The following MEFV variants were observed in gnomAD, a reference collection of about 807,000 sequenced individuals.
MEFV encodes the protein pyrin.
Under a neutral mutation model 62.5 loss-of-function variants are expected in MEFV, and 60 were observed. The ratio of observed to expected loss-of-function variants is 0.96; its 90% CI spans 0.78 to 1.19. The LOEUF is 1.19. Among genes scored for constraint, MEFV ranks in the 50% most tolerant of loss-of-function variants. MEFV has a pLI of 0.00. For synonymous variants in MEFV, 500 were observed against 415.2 expected (o/e 1.20, Z -2.48); for missense variants, 1,169 against 1,004.5 (o/e 1.16, Z -2.21).
intron 2 of MEFV, 89 bp from the exon 3 acceptor site, chr16:3,249,869 G>C (rs1959008135): frequency 1.9e-6 from 2 of 1,075,768 alleles, no homozygotes; most frequent in Non-Finnish European, 2.8e-6. Flanking sequence ...CACAGCCCTT[G>C]CCTGAGATGT....
In MEFV at chr16:3,248,923, C is replaced by T. The variant is rs1346568332; in HGVS notation, c.1342G>A (p.Ala448Thr). The change falls in exon 4 of 10, where the codon GCA (alanine) becomes ACA (threonine). Residue 448 changes from alanine (A) to threonine (T), a missense_variant. Physicochemically the swap from Ala to Thr is moderately conservative, Grantham distance 58. Transcript: ENST00000219596. ...EEQRSYGEEK[A>T]VSFLKQTEAL... ...TCTGACCTTACCAGAAAGCTCACTG[C>T]CTTCTCCTCCCCATAGGATCGCTGC... is the stretch of plus-strand genomic sequence containing the variant. 6.2e-7 allele frequency: 1 copy of T among 1,614,210 alleles called. No individual in the cohort carries two copies.
chr16:3,246,352 C>A, intron 6 of MEFV, 173 bp downstream of exon 6: 1 of 710,630 alleles, frequency 1.4e-6, no homozygotes, highest in South Asian at 1.7e-5. Context: ...TGACCAGATG[C>A]CCTTCTCCCT....
chr16:3,245,003 T>C (rs972626413), intron 6 of MEFV, among the ~76,000 whole-genome samples: 7 of 151,870 alleles, frequency 4.6e-5, no homozygotes, highest in African/African-American at 1.5e-4. Flanking sequence ...CAGAAAAAAA[T>C]AGACCAGGTA....
intron 4 of MEFV, 197 bp from the exon 5 acceptor site, chr16:3,247,443 C>G: frequency 1.7e-6 from 1 of 600,258 alleles, no homozygotes. Context: ...GGGGCTAGCT[C>G]TGGGAAAATG....
chr16:3,256,250 CCT>C, intron 1 of MEFV, 59 bp downstream of exon 1: 1 of 1,582,918 alleles, frequency 6.3e-7, no homozygotes, highest in Non-Finnish European at 8.6e-7. Context: ...CTCCTGGTCC[CCT>C]TTCCCACAAA....
chr16:3,244,613 G>C (rs759388238), intron 6 of MEFV, 25 bp from the exon 7 acceptor site: 1 of 1,579,428 alleles, frequency 6.3e-7, no homozygotes. Flanking sequence ...CTGTTGACCA[G>C]AGAAGGCCGG....
chr16:3,250,472 G>C (rs1959015161), intron 2 of MEFV, among the ~76,000 whole-genome samples: 1 of 151,930 alleles, frequency 6.6e-6, no homozygotes, highest in African/African-American at 2.4e-5. Flanking sequence ...AGCCAGGTGT[G>C]GTGGTGCACA....
In MEFV at chr16:3,254,138, T is replaced by C. The variant is rs1389451136; in HGVS notation, c.910+20A>G. 4 of 1,613,008 alleles carry C rather than the reference T, an allele frequency of 2.5e-6. No homozygotes were observed. Among genetic ancestry groups the C allele is most frequent in the East Asian group, 4.5e-5 (2 of 44,884 alleles). ...TTCTTTCTCTGCAGCCGATATAAAGTAGGAAAGAACACAATTTACCGGTGA... is the reference window on the plus strand; with the variant it reads ...TTCTTTCTCTGCAGCCGATATAAAGCAGGAAAGAACACAATTTACCGGTGA... On this transcript the variant is annotated intron_variant, in intron 2 of 9. Coordinates refer to ENST00000219596, the MANE Select transcript of MEFV (RefSeq NM_000243.3).
chr16:3,249,408 G>A (rs1373578947), intron 3 of MEFV, 23 bp downstream of exon 3: 2 of 1,600,298 alleles, frequency 1.2e-6, no homozygotes, highest in Non-Finnish European at 1.7e-6. Flanking sequence ...GCAGAGAAGA[G>A]CCCACAGGCA....
In MEFV at chr16:3,256,506, G is replaced by C. The variant is rs757658888; in HGVS notation, c.82C>G (p.Leu28Val). The change falls in exon 1 of 10, where the codon CTG (leucine) becomes GTG (valine). Residue 28 changes from leucine to valine, a missense_variant. Leu to Val is a conservative substitution (Grantham distance 32). Transcript: ENST00000219596. ...PYDFEKFKFK[L>V]QNTSVQKEHS... Reference sequence around the variant, plus strand: ...TCCTTCTGCACACTGGTGTTCTGCAGCTTGAACTTGAACTTCTCGAAGTCA... The same window carrying C: ...TCCTTCTGCACACTGGTGTTCTGCACCTTGAACTTGAACTTCTCGAAGTCA... 2 of 1,614,220 alleles carry C rather than the reference G, an allele frequency of 1.2e-6. No homozygotes were observed. Among genetic ancestry groups the C allele is most frequent in the South Asian group, 1.1e-5 (1 of 91,086 alleles).
chr16:3,244,220 C>G, intron 8 of MEFV, 34 bp downstream of exon 8: 1 of 1,613,922 alleles, frequency 6.2e-7, no homozygotes, highest in Non-Finnish European at 8.5e-7. Context: ...TGCAACAACC[C>G]CAGGCCAGCA....
rs747728640 is a variant in MEFV, at chr16:3,256,528, G to A, written c.60C>T (p.Asp20=). The A allele has an allele frequency of 2.5e-6, 4 of 1,614,084 alleles. No homozygotes were observed. In the African/African-American group the frequency reaches 5.3e-5, roughly 22 times the overall value. ...GCAGCTTGAACTTGAACTTCTCGAAGTCATAGGGCACCAGCTCCTCCAGGG... is the reference window on the plus strand; with the variant it reads ...GCAGCTTGAACTTGAACTTCTCGAAATCATAGGGCACCAGCTCCTCCAGGG... The part of the protein sequence containing the change: ...LSTLEELVPY[D]FEKFKFKLQN... The change falls in exon 1 of 10, where the codon GAC becomes GAT. Residue 20 remains aspartate (D), a synonymous_variant. Coordinates refer to ENST00000219596, the MANE Select transcript of MEFV (RefSeq NM_000243.3).
At position 3,254,724 on chromosome 16, in the gene MEFV, G is replaced by A. The variant is rs201766654; in HGVS notation, c.344C>T (p.Pro115Leu). Residue 115 changes from proline to leucine, a missense_variant, in exon 2 of 10, where the codon CCC becomes CTC. Pro to Leu is a moderately conservative substitution (Grantham distance 98). Transcript: ENST00000219596. The stretch of plus-strand genomic sequence containing the variant: ...GTGGTCTGGAGTCTTCAGGCTCCTG[G>A]GCTTGTTCTCCCCCAGGGAGCTGGA... Reference protein sequence around the residue: ...AASSSLGENKPRSLKTPDHPE... With the variant: ...AASSSLGENKLRSLKTPDHPE... 1 of 1,612,868 alleles carries A rather than the reference G, an allele frequency of 6.2e-7. No homozygotes were observed. The highest frequency in any genetic ancestry group is 1.7e-5 in the Admixed American group (1 of 60,032).
chr16:3,255,292 G>A (rs1189400542), intron 1 of MEFV, among the ~76,000 whole-genome samples: 1 of 152,166 alleles, frequency 6.6e-6, no homozygotes, highest in Non-Finnish European at 1.5e-5. Flanking sequence ...ACTCCAGCCT[G>A]AGTGACAGAG....
intron 2 of MEFV, among the ~76,000 whole-genome samples, chr16:3,252,589 A>G (rs1198298049): frequency 6.6e-6 from 1 of 150,886 alleles, no homozygotes; most frequent in Non-Finnish European, 1.5e-5. Flanking sequence ...CCCCAATTCT[A>G]TTTCTCCTCC....
In MEFV at chr16:3,243,639, A is replaced by G; in HGVS notation, c.1848T>C (p.Asp616=). The part of the protein sequence containing the change: ...TAYPNLIFSD[D]LKSVRLGNKW... ...TGTTTCCAAGTCTAACACTCTTCAG[A>G]TCATCAGAGAAGATGAGGTTGGGGT... The change falls in exon 10 of 10, where the codon GAT becomes GAC. Residue 616 remains aspartate, a synonymous_variant. Coordinates refer to ENST00000219596, the MANE Select transcript of MEFV (RefSeq NM_000243.3). 3 of 1,599,104 alleles carry G rather than the reference A, an allele frequency of 1.9e-6. No individual in the cohort carries two copies. The highest frequency in any genetic ancestry group is 2.6e-6 in the Non-Finnish European group (3 of 1,172,920).
intron 2 of MEFV, among the ~76,000 whole-genome samples, chr16:3,250,307 C>T (rs1304576901): frequency 6.6e-6 from 1 of 152,140 alleles, no homozygotes; most frequent in Non-Finnish European, 1.5e-5. Context: ...GTTCAATAAC[C>T]ATTAAATGAA....
intron 4 of MEFV, 61 bp downstream of exon 4, chr16:3,248,847 CT>C: frequency 6.2e-7 from 1 of 1,611,504 alleles, no homozygotes; most frequent in Non-Finnish European, 8.5e-7. Flanking sequence ...TCGGGGACCC[CT>C]GCTCACTCTT....
intron 6 of MEFV, chr16:3,246,316 G>A: frequency 1.6e-6 from 1 of 610,768 alleles, no homozygotes; most frequent in African/African-American, 1.8e-5. Flanking sequence ...CCAGTCTGCA[G>A]CTCCATACCC....
Sources: gnomAD v4.1 joint callset for allele counts (sites outside exome capture counted in the v4.1 genomes callset) on GRCh38, gnomAD v4.1.1 for gene constraint, MANE v1.5 for transcripts, NCBI Gene and HGNC (gene_info 2026-07-23, HGNC 2026-07-21) for gene names.